ABCC6: variants seen among roughly 807,000 people sequenced by gnomAD.
ABCC6 encodes the protein ATP-binding cassette sub-family C member 6.
A neutral mutation model predicts 169.5 loss-of-function variants in ABCC6; 126 were observed. The observed-to-expected ratio is 0.74, with a 90% CI of 0.64 to 0.86. The LOEUF (loss-of-function observed/expected upper bound fraction) is 0.86, where lower values mean the gene tolerates loss of function less well. ABCC6 is among the 40% of genes least tolerant of loss of function. The pLI, the probability that ABCC6 is intolerant of heterozygous loss-of-function variation, is 0.00. For synonymous variants in ABCC6, 752 were observed against 814.7 expected, an observed-to-expected ratio of 0.92 and a Z score of 1.31; for missense variants, 1,733 against 1,927.2, an observed-to-expected ratio of 0.90 and a Z score of 1.89.
chr16:16,175,886 G>C, intron 20 of ABCC6, 25 bp downstream of exon 20: 2 of 1,613,734 alleles, frequency 1.2e-6, no homozygotes, highest in African/African-American at 1.3e-5. Flanking sequence ...GTGCCCTTCT[G>C]AGTGTGGCAC....
At chr16:16,202,902 G>C in intron 8 of ABCC6, among the ~76,000 whole-genome samples, 1 of 152,138 alleles carries the variant, frequency 6.6e-6, no homozygotes. Context: ...TCTGAGCCTA[G>C]GCCTCAAGAG....
Position 16,214,412 on chromosome 16 carries a change from T to G in ABCC6, c.512A>C (p.Tyr171Ser). 6.5e-7 allele frequency: 1 copy of G among 1,549,002 alleles called. No homozygotes were observed. Among genetic ancestry groups the G allele is most frequent in the Non-Finnish European group, 8.7e-7 (1 of 1,146,060 alleles). ...TGCCACCACCAGAGACAGGCATAGG[T>G]AGGTGGACAGGTGGCGGACAGGGTC... is the stretch of plus-strand genomic sequence containing the variant. ...QSDPVRHLSTYLCLSLVVAQF... is the reference protein window; with the variant it reads ...QSDPVRHLSTSLCLSLVVAQF... The change falls in exon 5 of 31, where the codon TAC (tyrosine) becomes TCC (serine). Residue 171 changes from tyrosine (Y) to serine (S), a missense_variant. By Grantham distance (144) the Tyr-to-Ser change is moderately radical (BLOSUM62 -2). This residue lies in a region of ABCC6 where 49 missense variants were observed against 85.8 expected (regional missense o/e 0.57). Coordinates refer to ENST00000205557, the MANE Select transcript of ABCC6 (RefSeq NM_001171.6).
chr16:16,149,890 A>T lies in ABCC6; in HGVS notation c.*243T>A, dbSNP rs2046340215. 1 of 595,648 alleles carries T rather than the reference A, an allele frequency of 1.7e-6. No individual in the cohort carries two copies. Among genetic ancestry groups the T allele is most frequent in the African/African-American group, 1.8e-5 (1 of 54,610 alleles). The allele number at this position is 595,648 out of a possible 1,614,324, so 36.9% of individuals were successfully genotyped here. A position where few individuals can be genotyped will look rare whatever the true frequency, so the allele number is the denominator to read the frequency against. On this transcript the variant is annotated 3_prime_UTR_variant, in exon 31 of 31. Coordinates refer to ENST00000205557, the MANE Select transcript of ABCC6 (RefSeq NM_001171.6). Reference sequence around the variant, plus strand: ...AGCGGGGCTGAGAGTCGCTGTTGACATTGGCTGCAGGGTGGACAGGGCGAG... The same window carrying T: ...AGCGGGGCTGAGAGTCGCTGTTGACTTTGGCTGCAGGGTGGACAGGGCGAG...
At chr16:16,192,646 C>G (rs746062110) in intron 11 of ABCC6, among the ~76,000 whole-genome samples, 184 bp downstream of exon 11, 3 of 152,072 alleles carry the variant, frequency 2.0e-5, no homozygotes, top group Non-Finnish European at 4.4e-5. Flanking sequence ...AGGGACGGAG[C>G]CACTGTCCAT....
chr16:16,178,711 A>G, intron 18 of ABCC6, 87 bp downstream of exon 18: 1 of 1,443,350 alleles, frequency 6.9e-7, no homozygotes, highest in Non-Finnish European at 9.8e-7. Context: ...TGGAAGGGGG[A>G]GGTGAGATAA....
rs888620785 is a variant in ABCC6 at position 16,178,803 on chromosome 16, C to T, written c.2410G>A (p.Gly804Arg). The change falls in exon 18 of 31, where the codon GGA becomes AGA. Residue 804 changes from glycine (G) to arginine (R), a missense_variant. Gly to Arg is a moderately radical substitution (Grantham distance 125). Around this residue, in one of 5 missense-constraint regions of ABCC6, gnomAD observed 1,601 missense variants for 1,635.5 expected, o/e 0.98. Coordinates refer to ENST00000205557, the MANE Select transcript of ABCC6 (RefSeq NM_001171.6). ...QVIGPGGLLQGTTRILVTHAL... is the reference protein window; with the variant it reads ...QVIGPGGLLQRTTRILVTHAL... ...ACACATGTTCCCAAACTTACTGTTC[C>T]CTGGAGTAGTCCACCAGGCCCAATG... 2.5e-6 allele frequency: 4 copies of T among 1,613,808 alleles called. No individual in the cohort carries two copies. The African/African-American group carries it at 5.3e-5, about 22-fold the overall frequency.
At chr16:16,159,937 T>G (rs1368162804) in intron 25 of ABCC6, among the ~76,000 whole-genome samples, 2 of 152,140 alleles carry the variant, frequency 1.3e-5, no homozygotes, top group Non-Finnish European at 2.9e-5. Flanking sequence ...GACGGCTTTC[T>G]CGCAGCGACT....
chr16:16,221,040 T>A (rs2141224344), intron 2 of ABCC6: 1 of 190,114 alleles, frequency 5.3e-6, no homozygotes, highest in Middle Eastern at 2.3e-3. Flanking sequence ...TGTGTACCGC[T>A]TGGCTCTTTA....
chr16:16,169,534 G>T, intron 22 of ABCC6, 112 bp downstream of exon 22: 1 of 1,284,620 alleles, frequency 7.8e-7, no homozygotes, highest in Non-Finnish European at 1.1e-6. Flanking sequence ...CAGACGTTTT[G>T]CACACTGTTC....
At chr16:16,183,415 A>C (rs28504242) in intron 15 of ABCC6, among the ~76,000 whole-genome samples, 5 of 151,662 alleles carry the variant, frequency 3.3e-5, no homozygotes, top group Non-Finnish European at 5.9e-5. Flanking sequence ...ACTCCTGTCC[A>C]CGTCCCACAG....
chr16:16,162,154 T>G (rs895682503), intron 24 of ABCC6, among the ~76,000 whole-genome samples: 18 of 152,180 alleles, frequency 1.2e-4, no homozygotes, highest in Non-Finnish European at 2.4e-4. Context: ...CAATTAAACC[T>G]TCCTTTCTTT....
At chr16:16,173,875 T>C (rs2047188835) in intron 20 of ABCC6, among the ~76,000 whole-genome samples, 1 of 152,146 alleles carries the variant, frequency 6.6e-6, no homozygotes, top group Admixed American at 6.6e-5. Flanking sequence ...GCAATTGTTT[T>C]GTTCCTACTG....
At chr16:16,186,806 C>T (rs1204918820) in intron 14 of ABCC6, among the ~76,000 whole-genome samples, 5 of 151,950 alleles carry the variant, frequency 3.3e-5, no homozygotes, top group African/African-American at 9.7e-5. Flanking sequence ...CTCCCCGGTC[C>T]GTGGGAAAAC....
Position 16,190,734 on chromosome 16 carries a change from A to G in ABCC6, c.1432-367T>C, listed in dbSNP as rs542713099. The stretch of plus-strand genomic sequence containing the variant: ...TTTTTTGTGGAGTTGGGGTCTCACT[A>G]TGTTGCCCAGGTTGGCCTCGAGCTC... On this transcript the variant is annotated intron_variant, in intron 11 of 30. Transcript: ENST00000205557. Among the ~76,000 whole-genome samples the G allele has an allele frequency of 2.0e-5, 3 of 149,220 alleles. No individual in the cohort carries two copies. In the South Asian group the frequency reaches 6.4e-4, roughly 32 times the overall value.
chr16:16,212,176 T>A lies in ABCC6; in HGVS notation c.662+9A>T. 3 of 843,896 alleles carry A rather than the reference T, an allele frequency of 3.6e-6. No homozygotes were observed. Among genetic ancestry groups the A allele is most frequent in the Non-Finnish European group, 4.0e-6 (2 of 500,610 alleles). The allele number at this position is 843,896 out of a possible 1,614,324, so 52.3% of individuals were successfully genotyped here. ...CACCACCCCAACCCTTCCGTGCGAC[T>A]TTACTTACCCAGAAACCCACCAGAA... On this transcript the variant is annotated intron_variant, in intron 6 of 30. Coordinates refer to ENST00000205557, the MANE Select transcript of ABCC6 (RefSeq NM_001171.6).
At chr16:16,155,115 ATCTG>A (rs1412252432) in intron 27 of ABCC6, 84 bp from the exon 28 acceptor site, 1 of 1,469,452 alleles carries the variant, frequency 6.8e-7, no homozygotes, top group Non-Finnish European at 9.2e-7. Context: ...TGTACCCGAG[ATCTG>A]TCTATCCATC....
At chr16:16,172,068 G>A (rs1486727691) in intron 21 of ABCC6, among the ~76,000 whole-genome samples, 7 of 15,658 alleles carry the variant, frequency 4.5e-4, no homozygotes, top group Non-Finnish European at 5.3e-4. Context: ...TAAATGAGTG[G>A]GTGGGATGGA....
intron 26 of ABCC6, 132 bp from the exon 27 acceptor site, chr16:16,157,941 T>G (rs896191742): frequency 6.9e-6 from 7 of 1,021,764 alleles, no homozygotes; most frequent in East Asian, 2.6e-5. Context: ...AGGGTTGTTA[T>G]GGGAATTCAA....
At chr16:16,153,652 T>C (rs1429516590) in intron 29 of ABCC6, among the ~76,000 whole-genome samples, 3 of 152,046 alleles carry the variant, frequency 2.0e-5, no homozygotes, top group African/African-American at 7.2e-5. Flanking sequence ...GGGCCCGGCG[T>C]GGCTGCTCAC....
Sources: allele counts gnomAD v4.1 joint callset (sites outside exome capture counted in the v4.1 genomes callset), GRCh38; gene constraint gnomAD v4.1.1; regional missense constraint gnomAD v4.1.1; transcripts MANE v1.5; gene names NCBI Gene and HGNC (gene_info 2026-07-23, HGNC 2026-07-21).